Variants in SDK1 observed in about 807,000 individuals in gnomAD.
The protein encoded by SDK1 is protein sidekick-1.
Under a neutral mutation model 245.5 loss-of-function variants are expected in SDK1, and 157 were observed. That is an observed-to-expected ratio of 0.64 (90% CI 0.56 to 0.73). The LOEUF is 0.73. Ranked by LOEUF, SDK1 falls within the 30% of genes least tolerant of loss-of-function variation. SDK1 has a pLI of 0.00. For missense variants in SDK1, 3,583 were observed against 3,002.3 expected, an observed-to-expected ratio of 1.19 and a Z score of -4.52; for synonymous variants, 1,647 against 1,278.5, an observed-to-expected ratio of 1.29 and a Z score of -6.15.
chr7:4,057,175 C>T (rs1779258136), intron 19 of SDK1, among the ~76,000 whole-genome samples: 1 of 152,212 alleles, frequency 6.6e-6, no homozygotes, highest in Non-Finnish European at 1.5e-5. Context: ...CTGCCAGGAA[C>T]CTGGGGGTCA....
At chr7:3,942,136 G>C (rs1386902846) in intron 5 of SDK1, among the ~76,000 whole-genome samples, 1 of 152,130 alleles carries the variant, frequency 6.6e-6, no homozygotes, top group Admixed American at 6.6e-5. Flanking sequence ...TCGATCTCCT[G>C]ACCTCATGAT....
intron 22 of SDK1, among the ~76,000 whole-genome samples, chr7:4,104,212 A>AC (rs1384306305): frequency 2.6e-5 from 4 of 152,104 alleles, no homozygotes; most frequent in Non-Finnish European, 5.9e-5. Flanking sequence ...GGCATGCACC[A>AC]CCACACCTAG....
intron 1 of SDK1, among the ~76,000 whole-genome samples, chr7:3,504,118 C>G (rs965286295): frequency 6.6e-6 from 1 of 151,258 alleles, no homozygotes; most frequent in African/African-American, 2.4e-5. Context: ...CCATTGCACT[C>G]CAGCCTGGGC....
chr7:3,752,292 C>G (rs1413025481), intron 4 of SDK1, among the ~76,000 whole-genome samples: 2 of 152,054 alleles, frequency 1.3e-5, no homozygotes, highest in African/African-American at 4.8e-5. Flanking sequence ...TTCAAAGACC[C>G]CTTTCTTTTG....
intron 5 of SDK1, among the ~76,000 whole-genome samples, chr7:3,875,470 A>G (rs1781053221): frequency 6.6e-6 from 1 of 152,240 alleles, no homozygotes; most frequent in African/African-American, 2.4e-5. Context: ...AGTCCCACAT[A>G]GAGGAAAGGC....
At chr7:3,624,231 C>G (rs1583240192) in intron 2 of SDK1, among the ~76,000 whole-genome samples, 1 of 152,188 alleles carries the variant, frequency 6.6e-6, no homozygotes, top group South Asian at 2.1e-4. Context: ...TAGGGTCTCA[C>G]TCTGTTGCCC....
In SDK1 at chr7:4,075,617, G is replaced by A. The variant is rs570202496; in HGVS notation, c.3011-1381G>A. Among the ~76,000 whole-genome samples the A allele has an allele frequency of 4.2e-4, 63 of 151,460 alleles. 1 individual carries two copies. In the South Asian group the frequency reaches 0.011, roughly 26 times the overall value. ...TGATCACATTAACTCCCCTCCACGC[G>A]GGTTGATTGATTCAGGAGCTAGTTG... On this transcript the variant is annotated intron_variant, in intron 20 of 44. Coordinates refer to ENST00000404826, the MANE Select transcript of SDK1 (RefSeq NM_152744.4).
At chr7:3,796,442 G>T (rs1452161213) in intron 4 of SDK1, among the ~76,000 whole-genome samples, 2 of 152,206 alleles carry the variant, frequency 1.3e-5, no homozygotes, top group African/African-American at 4.8e-5. Flanking sequence ...TGGACGCAGA[G>T]CTCCTCAAGG....
intron 1 of SDK1, among the ~76,000 whole-genome samples, chr7:3,411,779 G>A (rs185884739): frequency 1.3e-5 from 2 of 152,130 alleles, no homozygotes; most frequent in Admixed American, 6.5e-5. Context: ...CACCACTTAA[G>A]AGCAATAGAC....
At chr7:3,398,287 C>G (rs2128572413) in intron 1 of SDK1, among the ~76,000 whole-genome samples, 1 of 152,120 alleles carries the variant, frequency 6.6e-6, no homozygotes, top group South Asian at 2.1e-4. Context: ...CACTGTTGTT[C>G]TATTAGAGCC....
chr7:3,660,180 A>G (rs1477092531), intron 4 of SDK1, among the ~76,000 whole-genome samples: 1 of 152,148 alleles, frequency 6.6e-6, no homozygotes, highest in Non-Finnish European at 1.5e-5. Context: ...ACAGCAAAGA[A>G]GAGAAGCAAC....
In SDK1 at chr7:3,605,675, T is replaced by G. The variant is rs760838080; in HGVS notation, c.299-13405T>G. Among the ~76,000 whole-genome samples the G allele has an allele frequency of 3.9e-5, 6 of 152,218 alleles. 1 individual carries two copies. The highest frequency in any genetic ancestry group is 8.8e-5 in the Non-Finnish European group (6 of 68,046). The stretch of plus-strand genomic sequence containing the variant: ...CACTATGTCTGATTACATAATTAGA[T>G]TTGGGATACCAACTGGGTATACTTG... On this transcript the variant is annotated intron_variant, in intron 1 of 44. Coordinates refer to ENST00000404826, the MANE Select transcript of SDK1 (RefSeq NM_152744.4).
chr7:4,227,987 T>C (rs1270465388), intron 40 of SDK1, among the ~76,000 whole-genome samples: 1 of 152,214 alleles, frequency 6.6e-6, no homozygotes, highest in Non-Finnish European at 1.5e-5. Flanking sequence ...AAGATTTCTT[T>C]TTTCAAGGAT....
Position 4,158,510 on chromosome 7 carries a change from A to G in SDK1, c.4688A>G (p.Asp1563Gly). ...LKATNDIGDS[D>G]FSSETEAVTT... ...GCCACCAACGACATTGGGGACAGTGACTTCAGTTCAGAGACAGAGGCGGTG... is the reference window on the plus strand; with the variant it reads ...GCCACCAACGACATTGGGGACAGTGGCTTCAGTTCAGAGACAGAGGCGGTG... The change falls in exon 31 of 45, where the codon GAC becomes GGC. Residue 1563 changes from aspartate (D) to glycine (G), a missense_variant. Transcript: ENST00000404826. The G allele has an allele frequency of 3.1e-6, 5 of 1,613,892 alleles. No individual in the cohort carries two copies. Among genetic ancestry groups the G allele is most frequent in the Non-Finnish European group, 4.2e-6 (5 of 1,179,988 alleles).
chr7:4,211,389 G>A (rs1221335827), intron 38 of SDK1, among the ~76,000 whole-genome samples: 3 of 152,126 alleles, frequency 2.0e-5, no homozygotes, highest in East Asian at 3.9e-4. Context: ...GGCCGGGGCT[G>A]TGGCATCATC....
At chr7:3,947,219 C>G (rs774487405) in intron 5 of SDK1, among the ~76,000 whole-genome samples, 37 of 152,170 alleles carry the variant, frequency 2.4e-4, no homozygotes, top group Admixed American at 1.2e-3. Flanking sequence ...TAGCTTTTCA[C>G]TCCCTGTTGT....
chr7:3,655,489 A>ATGTATGTATGTATGTATGTATGTATG (rs1392944964), intron 4 of SDK1, among the ~76,000 whole-genome samples: 3 of 59,552 alleles, frequency 5.0e-5, no homozygotes, highest in African/African-American at 1.4e-4. Flanking sequence ...ATATATATAT[A>ATGTATGTATGTATGTATGTATGTATG]TATATATATA....
At chr7:3,490,630 T>G (rs1015102151) in intron 1 of SDK1, among the ~76,000 whole-genome samples, 1 of 152,220 alleles carries the variant, frequency 6.6e-6, no homozygotes, top group African/African-American at 2.4e-5. Context: ...TATGAACACA[T>G]GAAGACCTGC....
chr7:3,470,799 T>A (rs1781161193), intron 1 of SDK1, among the ~76,000 whole-genome samples: 1 of 152,188 alleles, frequency 6.6e-6, no homozygotes, highest in Non-Finnish European at 1.5e-5. Context: ...GGCTTATGTT[T>A]TCCATTTTGA....
Sources: gnomAD v4.1 joint callset for allele counts (sites outside exome capture counted in the v4.1 genomes callset) on GRCh38, gnomAD v4.1.1 for gene constraint, MANE v1.5 for transcripts, NCBI Gene and HGNC (gene_info 2026-07-23, HGNC 2026-07-21) for gene names.